Variants in KIF18A observed in about 807,000 individuals in gnomAD.
KIF18A encodes kinesin family member 18A.
KIF18A carries 67 observed loss-of-function variants against 103.3 expected under a neutral mutation model. The ratio of observed to expected loss-of-function variants is 0.65; its 90% CI spans 0.53 to 0.79. The LOEUF is 0.79. KIF18A is among the 30% of genes least tolerant of loss of function. The pLI is 0.00. For missense variants in KIF18A, 1,032 were observed against 1,062.5 expected, an observed-to-expected ratio of 0.97 and a Z score of 0.40; for synonymous variants, 367 against 355.5, an observed-to-expected ratio of 1.03 and a Z score of -0.36.
chr11:28,046,747 A>AG (rs1400920296), intron 13 of KIF18A, among the ~76,000 whole-genome samples: 14 of 150,364 alleles, frequency 9.3e-5, no homozygotes, highest in Non-Finnish European at 1.8e-4. Flanking sequence ...ATGAAAAAAA[A>AG]AAAAAGAAAT....
At chr11:28,089,100 T>C (rs1476438219) in intron 5 of KIF18A, among the ~76,000 whole-genome samples, 2 of 152,224 alleles carry the variant, frequency 1.3e-5, no homozygotes, top group African/African-American at 4.8e-5. Flanking sequence ...ATGCCTTGTA[T>C]GTATCTAGAG....
At chr11:28,078,706 T>C (rs1479581966) in intron 9 of KIF18A, among the ~76,000 whole-genome samples, 1 of 152,152 alleles carries the variant, frequency 6.6e-6, no homozygotes, top group Non-Finnish European at 1.5e-5. Context: ...AGAACAATTG[T>C]GTTTTCTTTT....
intron 3 of KIF18A, 71 bp downstream of exon 3, chr11:28,094,571 TA>T: frequency 1.9e-6 from 2 of 1,067,574 alleles, no homozygotes; most frequent in Non-Finnish European, 2.8e-6. Flanking sequence ...AACTCTTATA[TA>T]ATAAAATCAT....
At position 28,084,724 on chromosome 11, in the gene KIF18A, T is replaced by C; in HGVS notation, c.982A>G (p.Met328Val). The C allele has an allele frequency of 1.2e-6, 2 of 1,611,794 alleles. No individual in the cohort carries two copies. The highest frequency in any genetic ancestry group is 8.5e-7 in the Non-Finnish European group (1 of 1,177,920). ...DSLGGNCQTI[M>V]IAAVSPSSVF... ...GAGGAAGGACTAACAGCAGCTATCATTATAGTTTGACAGTTTCCTCCAAGA... is the reference window on the plus strand; with the variant it reads ...GAGGAAGGACTAACAGCAGCTATCACTATAGTTTGACAGTTTCCTCCAAGA... Residue 328 changes from methionine (M) to valine (V), a missense_variant, in exon 7 of 17, where the codon ATG becomes GTG. By Grantham distance (21) the Met-to-Val change is conservative. Coordinates refer to ENST00000263181, the MANE Select transcript of KIF18A (RefSeq NM_031217.4).
Position 28,020,937 on chromosome 11 carries a change from T to A in KIF18A, c.*263A>T, listed in dbSNP as rs1370953377. On this transcript the variant is annotated 3_prime_UTR_variant, in exon 17 of 17. Transcript: ENST00000263181. ...GCATAGTAAAACTAAGCTGCCACCA[T>A]GGTAACTTACACTCAGGGATTTTAA... 5.1e-6 allele frequency: 1 copy of A among 195,892 alleles called. No homozygotes were observed. The highest frequency in any genetic ancestry group is 1.0e-5 in the Non-Finnish European group (1 of 99,066). The allele number at this position is 195,892 out of a possible 1,614,324, so 12.1% of individuals were successfully genotyped here.
intron 15 of KIF18A, among the ~76,000 whole-genome samples, chr11:28,027,077 T>C (rs1187003418): frequency 6.6e-6 from 1 of 151,856 alleles, no homozygotes; most frequent in Non-Finnish European, 1.5e-5. Context: ...ATACTCTATG[T>C]AGCACAAATA....
At chr11:28,039,789 G>A (rs182801154) in intron 13 of KIF18A, among the ~76,000 whole-genome samples, 65 of 151,866 alleles carry the variant, frequency 4.3e-4, no homozygotes, top group Admixed American at 3.5e-3. Flanking sequence ...GAATAGCATG[G>A]AGATGTGGTA....
At chr11:28,047,684 A>C (rs1487546767) in intron 13 of KIF18A, among the ~76,000 whole-genome samples, 1 of 152,174 alleles carries the variant, frequency 6.6e-6, no homozygotes, top group Non-Finnish European at 1.5e-5. Flanking sequence ...AAAGTAATGC[A>C]AGTAATACAG....
chr11:28,098,015 A>G, intron 1 of KIF18A, 22 bp from the exon 2 acceptor site: 1 of 1,194,638 alleles, frequency 8.4e-7, no homozygotes. Context: ...AAAGAAAATA[A>G]AGTTTTAATA....
chr11:28,088,264 A>G (rs971725621), intron 6 of KIF18A, among the ~76,000 whole-genome samples: 2 of 152,176 alleles, frequency 1.3e-5, no homozygotes, highest in South Asian at 2.1e-4. Context: ...AGAATGTACC[A>G]TAAAATATTA....
chr11:28,053,372 A>G (rs1365336289), intron 13 of KIF18A, among the ~76,000 whole-genome samples: 2 of 152,040 alleles, frequency 1.3e-5, no homozygotes, highest in African/African-American at 4.8e-5. Context: ...ATATTTTTCT[A>G]ATTTTTTCCA....
chr11:28,098,384 A>C (rs1851402967), intron 1 of KIF18A, among the ~76,000 whole-genome samples: 1 of 152,176 alleles, frequency 6.6e-6, no homozygotes, highest in Non-Finnish European at 1.5e-5. Context: ...ATTTCAGCTT[A>C]GGTCATGGGA....
At chr11:28,091,894 C>A (rs527860488) in intron 3 of KIF18A, among the ~76,000 whole-genome samples, 94 of 152,300 alleles carry the variant, frequency 6.2e-4, no homozygotes, top group African/African-American at 2.2e-3. Context: ...CGGCTCACTG[C>A]AAGCTCCGCC....
chr11:28,052,948 A>G (rs755616407), intron 13 of KIF18A, among the ~76,000 whole-genome samples: 2 of 152,220 alleles, frequency 1.3e-5, no homozygotes, highest in Non-Finnish European at 2.9e-5. Context: ...AAACACACTC[A>G]ACTATATTAG....
intron 10 of KIF18A, among the ~76,000 whole-genome samples, chr11:28,070,337 A>G (rs1850997064): frequency 1.3e-5 from 2 of 152,232 alleles, no homozygotes; most frequent in African/African-American, 4.8e-5. Context: ...ATAGAAAAAT[A>G]TGGTTATCTT....
At position 28,082,908 on chromosome 11, in the gene KIF18A, T is replaced by A; in HGVS notation, c.1210A>T (p.Asn404Tyr). Residue 404 changes from asparagine (N) to tyrosine (Y), a missense_variant, in exon 9 of 17, where the codon AAT becomes TAT. Transcript: ENST00000263181. ...GAAATCATTAACTTTGCTTGGTCAT[T>A]TTCATTAGTGAAGGCTTTCTGTTCT... Reference protein sequence around the residue: ...YEEQKAFTNENDQAKLMISNP... With the variant: ...YEEQKAFTNEYDQAKLMISNP... 6.2e-7 allele frequency: 1 copy of A among 1,606,598 alleles called. No homozygotes were observed.
intron 2 of KIF18A, among the ~76,000 whole-genome samples, chr11:28,095,857 A>C: frequency 6.6e-6 from 1 of 151,954 alleles, no homozygotes; most frequent in East Asian, 1.9e-4. Flanking sequence ...AAAAATTTTC[A>C]AAAAATTAGC....
intron 9 of KIF18A, among the ~76,000 whole-genome samples, chr11:28,080,348 G>T (rs1007685408): frequency 6.5e-5 from 9 of 138,162 alleles, no homozygotes; most frequent in East Asian, 2.1e-4. Context: ...TGCAGACACT[G>T]TTTTTTTTTT....
At chr11:28,036,693 G>C (rs745412515) in intron 13 of KIF18A, 29 bp from the exon 14 acceptor site, 1 of 1,385,072 alleles carries the variant, frequency 7.2e-7, no homozygotes, top group Non-Finnish European at 9.8e-7. Flanking sequence ...AAAGACACTC[G>C]ATAATGTTTC....
Sources: gnomAD v4.1 joint callset for allele counts (sites outside exome capture counted in the v4.1 genomes callset) on GRCh38, gnomAD v4.1.1 for gene constraint, MANE v1.5 for transcripts, NCBI Gene and HGNC (gene_info 2026-07-23, HGNC 2026-07-21) for gene names.